The following TMEM229B variants were observed in gnomAD, a reference collection of about 807,000 sequenced individuals.
TMEM229B encodes the protein transmembrane protein 229B, also known as chromosome 14 open reading frame 83.
TMEM229B carries 6 observed loss-of-function variants against 13.7 expected under a neutral mutation model. That is an observed-to-expected ratio of 0.44 (90% CI 0.24 to 0.86). TMEM229B has a LOEUF of 0.86. TMEM229B is among the 40% of genes least tolerant of loss of function. The probability of loss-of-function intolerance (pLI) is 0.23; values close to 1 mark genes in which losing one functional copy is unlikely to be tolerated. For missense variants in TMEM229B, 170 were observed against 236.0 expected (o/e 0.72, Z 1.83); for synonymous variants, 107 against 102.1 (o/e 1.05, Z -0.29).
intron 1 of TMEM229B, among the ~76,000 whole-genome samples, chr14:67,533,145 G>C (rs2033522444): frequency 6.6e-6 from 1 of 152,154 alleles, no homozygotes; most frequent in Non-Finnish European, 1.5e-5. Context: ...GGGGAGCCGA[G>C]GGGAGGAGGG....
At position 67,479,309 on chromosome 14, in the gene TMEM229B, G is replaced by A. The variant is rs796066574; in HGVS notation, c.-18-5368C>T. Among the ~76,000 whole-genome samples the A allele has an allele frequency of 2.0e-5, 3 of 151,950 alleles. No homozygotes were observed. In the East Asian group the frequency reaches 5.8e-4, roughly 29 times the overall value. Reference sequence around the variant, plus strand: ...TAATCCCAGCTACTCGGGAGGCTGAGGCAGAAGAATTGCTTGAACCGGGAC... The same window carrying A: ...TAATCCCAGCTACTCGGGAGGCTGAAGCAGAAGAATTGCTTGAACCGGGAC... On this transcript the variant is annotated intron_variant, in intron 2 of 2. Coordinates refer to ENST00000554480, the MANE Select transcript of TMEM229B (RefSeq NM_001348543.2).
At chr14:67,489,678 A>G (rs2032075312), upstream of TMEM229B, among the ~76,000 whole-genome samples, 2 of 152,270 alleles carry the variant, frequency 1.3e-5, no homozygotes, top group East Asian at 1.9e-4. Context: ...CAACTGAAAC[A>G]TGTCATCCCA....
chr14:67,508,511 C>T (rs1209337193), intron 1 of TMEM229B, among the ~76,000 whole-genome samples: 1 of 152,086 alleles, frequency 6.6e-6, no homozygotes, highest in Non-Finnish European at 1.5e-5. Flanking sequence ...CAGCCTCACG[C>T]TAGCTCTCCA....
chr14:67,509,550 C>T (rs1483678947), intron 1 of TMEM229B, among the ~76,000 whole-genome samples: 1 of 152,160 alleles, frequency 6.6e-6, no homozygotes, highest in African/African-American at 2.4e-5. Flanking sequence ...AACTCCTGAC[C>T]TCAGGTGATC....
chr14:67,473,395 C>G lies in TMEM229B; in HGVS notation c.*25G>C, dbSNP rs550460396. Reference sequence around the variant, plus strand: ...TTGTCCATGAGTTCCATGAGAGATCCCCAGGCCCCCCACCCGCTTCCTGCT... The same window carrying G: ...TTGTCCATGAGTTCCATGAGAGATCGCCAGGCCCCCCACCCGCTTCCTGCT... On this transcript the variant is annotated 3_prime_UTR_variant, in exon 3 of 3. Transcript: ENST00000554480. The surrounding 1 kb of genome is among the most constrained non-coding windows in gnomAD (Gnocchi z 6.5). 2 of 1,607,654 alleles carry G rather than the reference C, an allele frequency of 1.2e-6. No homozygotes were observed. The highest frequency in any genetic ancestry group is 8.5e-7 in the Non-Finnish European group (1 of 1,176,882).
chr14:67,507,762 A>G (rs759428730), intron 1 of TMEM229B, among the ~76,000 whole-genome samples: 1 of 152,182 alleles, frequency 6.6e-6, no homozygotes, highest in African/African-American at 2.4e-5. Context: ...CAAGACATAA[A>G]GGTTGCTCCC....
chr14:67,530,945 C>A (rs2140286672), intron 1 of TMEM229B, among the ~76,000 whole-genome samples: 1 of 152,324 alleles, frequency 6.6e-6, no homozygotes, highest in South Asian at 2.1e-4. Context: ...CTAATACAAT[C>A]ATTGAAGGAC....
In TMEM229B at chr14:67,527,773, G is replaced by A. The variant is rs572010349; in HGVS notation, c.-192+5863C>T. ...AGGTCCTGCTTCTATTTTACAGTTA[G>A]GTGAGGCACAAAGAGTTGCTGAGAT... On this transcript the variant is annotated intron_variant, in intron 1 of 2. Coordinates refer to the TMEM229B transcript ENST00000554278. Among the ~76,000 whole-genome samples, 6 of 152,342 alleles carry A rather than the reference G, an allele frequency of 3.9e-5. No individual in the cohort carries two copies. In the South Asian group the frequency reaches 1.2e-3, roughly 32 times the overall value.
intron 2 of TMEM229B, among the ~76,000 whole-genome samples, chr14:67,477,250 A>G (rs1358173096): frequency 6.6e-6 from 1 of 151,762 alleles, no homozygotes; most frequent in Non-Finnish European, 1.5e-5. Flanking sequence ...AAGATTCTTC[A>G]TGACCTTGCC....
Position 67,473,867 on chromosome 14 carries a change from G to C in TMEM229B, c.57C>G (p.His19Gln). The change falls in exon 3 of 3, where the codon CAC becomes CAG. Residue 19 changes from histidine to glutamine, a missense_variant. His to Gln is a conservative substitution (Grantham distance 24). Around this residue, in one of 4 missense-constraint regions of TMEM229B, gnomAD observed 36 missense variants for 83.8 expected, o/e 0.43. Transcript: ENST00000554480. The surrounding 1 kb of genome is among the most constrained non-coding windows in gnomAD (Gnocchi z 6.5). ...TGAACATCACCTCGCAGAAGTAGCC[G>C]TGGATGGCATACAGGTACCAGCGGG... is the stretch of plus-strand genomic sequence containing the variant. Reference protein sequence around the residue: ...ALSRWYLYAIHGYFCEVMFTA... With the variant: ...ALSRWYLYAIQGYFCEVMFTA... 1 of 1,612,104 alleles carries C rather than the reference G, an allele frequency of 6.2e-7. No homozygotes were observed. The highest frequency in any genetic ancestry group is 8.5e-7 in the Non-Finnish European group (1 of 1,179,242).
At chr14:67,525,773 A>G (rs8023027) in intron 1 of TMEM229B, among the ~76,000 whole-genome samples, 8,378 of 152,298 alleles carry the variant, frequency 0.055, 667 homozygotes, top group African/African-American at 0.18. Flanking sequence ...CAACATTAAC[A>G]ATTTTGCCTC....
chr14:67,529,743 C>T (rs77788733), intron 1 of TMEM229B, among the ~76,000 whole-genome samples: 1,618 of 152,252 alleles, frequency 0.011, 33 homozygotes, highest in African/African-American at 0.037. Flanking sequence ...TGACAATCAC[C>T]GAAGAGCCAA....
intron 1 of TMEM229B, among the ~76,000 whole-genome samples, chr14:67,503,825 T>A (rs542707346): frequency 2.4e-4 from 36 of 151,312 alleles, no homozygotes; most frequent in African/African-American, 8.7e-4. Context: ...TGCCTCAGCC[T>A]CCCGAGTAGC....
chr14:67,477,403 C>T (rs2140061575), intron 2 of TMEM229B, among the ~76,000 whole-genome samples: 1 of 152,336 alleles, frequency 6.6e-6, no homozygotes, highest in East Asian at 1.9e-4. Context: ...AGGTTACCTT[C>T]AGAACAAAAT....
chr14:67,533,289 C>G (rs1033057845), intron 1 of TMEM229B: 3 of 151,878 alleles, frequency 2.0e-5, no homozygotes, highest in Non-Finnish European at 2.9e-5. Context: ...AGGGGAGAAC[C>G]GGCGGCAGCC....
intron 2 of TMEM229B, among the ~76,000 whole-genome samples, chr14:67,486,479 T>C (rs947889770): frequency 6.6e-6 from 1 of 152,226 alleles, no homozygotes; most frequent in Non-Finnish European, 1.5e-5. Flanking sequence ...TTCACCATGT[T>C]GGCCAGGATG....
chr14:67,490,583 A>G (rs981509168), upstream of TMEM229B, among the ~76,000 whole-genome samples: 14 of 152,168 alleles, frequency 9.2e-5, no homozygotes, highest in African/African-American at 2.9e-4. Context: ...ACTGGCAGGA[A>G]ATTCCCTTCG....
At chr14:67,489,333 C>T (rs114391613), upstream of TMEM229B, among the ~76,000 whole-genome samples, 1,634 of 152,290 alleles carry the variant, frequency 0.011, 29 homozygotes, top group African/African-American at 0.038. Flanking sequence ...TGCTTCCCAC[C>T]CAAATCTCAT....
rs1414796695 is a variant in TMEM229B, at chr14:67,486,981, G to C, written c.-19+19C>G. On this transcript the variant is annotated intron_variant, in intron 2 of 2. Transcript: ENST00000554480. ...GATCGCTGGGCTGGTGATCCCCTGG[G>C]TGCTTGTAACATACTCACTTATCAC... 6.6e-6 allele frequency: 1 copy of C among 152,190 alleles called. No homozygotes were observed. The highest frequency in any genetic ancestry group is 6.5e-5 in the Admixed American group (1 of 15,280). The allele number at this position is 152,190 out of a possible 1,614,324, so 9.4% of individuals were successfully genotyped here. A position where few individuals can be genotyped will look rare whatever the true frequency, so the allele number is the denominator to read the frequency against.
Sources: gnomAD v4.1 joint callset for allele counts (sites outside exome capture counted in the v4.1 genomes callset) on GRCh38, gnomAD v4.1.1 for gene constraint, gnomAD v4.1.1 regional missense constraint, Gnocchi (gnomAD v3.1) non-coding constraint, MANE v1.5 for transcripts, NCBI Gene and HGNC (gene_info 2026-07-23, HGNC 2026-07-21) for gene names.